KTN1: variants seen among roughly 807,000 people sequenced by gnomAD.
The protein encoded by KTN1 is kinectin 1, also known as kinectin.
A neutral mutation model predicts 222.5 loss-of-function variants in KTN1; 130 were observed. That is an observed-to-expected ratio of 0.58 (90% CI 0.51 to 0.68). KTN1 has a LOEUF of 0.68. KTN1 is among the 30% of genes least tolerant of loss of function. KTN1 has a pLI of 0.00. For missense variants in KTN1, 1,508 were observed against 1,500.4 expected, an observed-to-expected ratio of 1.01 and a Z score of -0.08; for synonymous variants, 512 against 496.3, an observed-to-expected ratio of 1.03 and a Z score of -0.42.
At chr14:55,653,493 A>G in intron 27 of KTN1, 66 bp from the exon 28 acceptor site, 1 of 1,212,512 alleles carries the variant, frequency 8.2e-7, no homozygotes, top group African/African-American at 1.5e-5. Flanking sequence ...TTCCATATAT[A>G]TGTTTTAGCA....
chr14:55,650,976 T>A (rs989089587), intron 24 of KTN1, among the ~76,000 whole-genome samples: 9 of 152,182 alleles, frequency 5.9e-5, no homozygotes, highest in Admixed American at 3.3e-4. Context: ...CAAAATGTTA[T>A]TTGAATATAC....
At chr14:55,637,087 C>A in intron 10 of KTN1, 111 bp from the exon 11 acceptor site, 2 of 694,224 alleles carry the variant, frequency 2.9e-6, no homozygotes, top group Non-Finnish European at 4.7e-6. Context: ...AGAATGGAAG[C>A]AGGAGAGATT....
At chr14:55,683,706 TAAA>T (rs5808818) in intron 43 of KTN1, 3,934 of 151,338 alleles carry the variant, frequency 0.026, 132 homozygotes, top group African/African-American at 0.078. Context: ...TCATATGACC[TAAA>T]AAAAAAAAAA....
rs528065803 is a variant in KTN1, at chr14:55,642,854, G to A, written c.2172+1094G>A. Among the ~76,000 whole-genome samples, 7 of 151,836 alleles carry A rather than the reference G, an allele frequency of 4.6e-5. No individual in the cohort carries two copies. In the South Asian group the frequency reaches 1.2e-3, roughly 27 times the overall value. ...ACCCTTGTAAACTAAAGGTAATAGA[G>A]GAGACAGTGCTGAAGGGATGATATT... On this transcript the variant is annotated intron_variant, in intron 18 of 43. Coordinates refer to ENST00000395314, the MANE Select transcript of KTN1 (RefSeq NM_001079521.2).
At chr14:55,606,312 A>C (rs958723693) in intron 1 of KTN1, among the ~76,000 whole-genome samples, 1 of 152,146 alleles carries the variant, frequency 6.6e-6, no homozygotes, top group African/African-American at 2.4e-5. Context: ...TCCTGTGTTG[A>C]AAATTACCTT....
At chr14:55,628,133 C>G (rs1446016141) in intron 6 of KTN1, 105 bp downstream of exon 6, 2 of 696,746 alleles carry the variant, frequency 2.9e-6, no homozygotes, top group Non-Finnish European at 4.9e-6. Flanking sequence ...TAATTTATGT[C>G]CAACAAAAGT....
At chr14:55,630,749 G>A (rs932873215) in intron 7 of KTN1, among the ~76,000 whole-genome samples, 1 of 152,174 alleles carries the variant, frequency 6.6e-6, no homozygotes, top group Non-Finnish European at 1.5e-5. Flanking sequence ...GCAGTCGCTG[G>A]AATTATACTA....
chr14:55,632,868 T>C (rs143195472), intron 7 of KTN1, among the ~76,000 whole-genome samples: 11 of 152,308 alleles, frequency 7.2e-5, no homozygotes, highest in Admixed American at 2.0e-4. Context: ...TTTAAGAATA[T>C]TGCTAATGTA....
rs1044866722 is a variant in KTN1, at chr14:55,667,391, C to A, written c.3267+61C>A. On this transcript the variant is annotated intron_variant, in intron 34 of 43. Coordinates refer to ENST00000395314, the MANE Select transcript of KTN1 (RefSeq NM_001079521.2). ...ATTATTCAAGAAAGGTGTGAATAAG[C>A]AACATCATTTGCACTCCACTTGGTT... The A allele has an allele frequency of 2.8e-5, 27 of 958,508 alleles. No individual in the cohort carries two copies. In the African/African-American group the frequency reaches 3.0e-4, roughly 11 times the overall value. 59.4% of individuals were successfully genotyped at this position (958,508 alleles called of 1,614,324 possible).
chr14:55,655,758 G>A (rs922982887), intron 28 of KTN1, among the ~76,000 whole-genome samples: 1 of 152,172 alleles, frequency 6.6e-6, no homozygotes, highest in African/African-American at 2.4e-5. Flanking sequence ...TGCTTTTGAA[G>A]TGGTAATTTT....
intron 5 of KTN1, among the ~76,000 whole-genome samples, chr14:55,620,847 TC>T (rs1235249614): frequency 6.6e-6 from 1 of 152,188 alleles, no homozygotes; most frequent in African/African-American, 2.4e-5. Context: ...TACATTTGGT[TC>T]CTCATTACTT....
intron 13 of KTN1, 62 bp downstream of exon 13, chr14:55,639,284 T>C (rs2041504580): frequency 4.3e-6 from 5 of 1,151,978 alleles, no homozygotes; most frequent in Non-Finnish European, 6.5e-6. Context: ...ACTTGTTAGA[T>C]GCGACACTTA....
intron 1 of KTN1, among the ~76,000 whole-genome samples, chr14:55,592,181 A>G (rs1259836398): frequency 2.0e-5 from 3 of 152,102 alleles, no homozygotes; most frequent in Non-Finnish European, 4.4e-5. Context: ...ATTCTTCTCT[A>G]CCTCACGGTT....
At chr14:55,641,383 A>G (rs1424573273) in intron 17 of KTN1, among the ~76,000 whole-genome samples, 175 bp downstream of exon 17, 1 of 152,020 alleles carries the variant, frequency 6.6e-6, no homozygotes, top group African/African-American at 2.4e-5. Context: ...CCCCTAGATT[A>G]TCTGTTCTTT....
chr14:55,592,476 C>T lies in KTN1; in HGVS notation c.-31+12122C>T, dbSNP rs116061425. ...TTGAACAACATGGGTTTGAACTGCA[C>T]GGGTCCACTTATACATGGAGCAGGA... On this transcript the variant is annotated intron_variant, in intron 1 of 43. Transcript: ENST00000395314. Among the ~76,000 whole-genome samples, 643 of 152,266 alleles carry T rather than the reference C, an allele frequency of 4.2e-3. 2 individuals are homozygous for T. Among genetic ancestry groups the T allele is most frequent in the Middle Eastern group, 0.017 (5 of 294 alleles).
chr14:55,582,434 T>A (rs1013933770), intron 1 of KTN1, among the ~76,000 whole-genome samples: 3 of 152,184 alleles, frequency 2.0e-5, no homozygotes, highest in African/African-American at 7.2e-5. Context: ...TTTTGAGACT[T>A]CTAAAGAACC....
At position 55,639,954 on chromosome 14, in the gene KTN1, C is replaced by G; in HGVS notation, c.1865C>G (p.Ser622Cys). The G allele has an allele frequency of 6.2e-7, 1 of 1,608,992 alleles. No individual in the cohort carries two copies. The highest frequency in any genetic ancestry group is 8.5e-7 in the Non-Finnish European group (1 of 1,176,048). ...KDKQIKQTEDSLASERDRLTS... is the reference protein window; with the variant it reads ...KDKQIKQTEDCLASERDRLTS... ...AAGCAGATAAAACAGACTGAAGATT[C>G]TTTAGCAAGTGAACGTGATCGTTTA... Residue 622 changes from serine (S) to cysteine (C), a missense_variant, in exon 14 of 44, where the codon TCT (serine) becomes TGT (cysteine). Transcript: ENST00000395314.
At chr14:55,659,823 G>T in intron 31 of KTN1, 120 bp downstream of exon 31, 1 of 617,800 alleles carries the variant, frequency 1.6e-6, no homozygotes, top group African/African-American at 1.9e-5. Flanking sequence ...AGTTCTATTT[G>T]GATATCTTGA....
chr14:55,621,053 T>C (rs912032817), intron 5 of KTN1, among the ~76,000 whole-genome samples: 25 of 152,046 alleles, frequency 1.6e-4, no homozygotes, highest in Non-Finnish European at 1.5e-5. Context: ...CCCTAAATCA[T>C]CTCCCTCAAG....
Sources: allele counts gnomAD v4.1 joint callset (sites outside exome capture counted in the v4.1 genomes callset), GRCh38; gene constraint gnomAD v4.1.1; transcripts MANE v1.5; gene names NCBI Gene and HGNC (gene_info 2026-07-23, HGNC 2026-07-21).